Variants in DNMT3B observed in about 807,000 individuals in gnomAD.
DNMT3B encodes the protein DNA methyltransferase 3 beta, also known as DNA (cytosine-5)-methyltransferase 3B.
Under a neutral mutation model 120.2 loss-of-function variants are expected in DNMT3B, and 37 were observed. The observed-to-expected ratio is 0.31, with a 90% confidence interval of 0.24 to 0.40. The LOEUF (loss-of-function observed/expected upper bound fraction) is 0.40. DNMT3B is among the 10% of genes least tolerant of loss of function. The pLI is 1.00. For synonymous variants in DNMT3B, 412 were observed against 442.8 expected (o/e 0.93, Z 0.87); for missense variants, 878 against 1,137.3 (o/e 0.77, Z 3.28).
chr20:32,807,515 A>C (rs1982098182), intron 22 of DNMT3B, among the ~76,000 whole-genome samples: 1 of 152,200 alleles, frequency 6.6e-6, no homozygotes, highest in South Asian at 2.1e-4. Context: ...TATTCTAGGA[A>C]GGTCCTCTGA....
chr20:32,805,498 C>T, intron 21 of DNMT3B, 91 bp downstream of exon 21: 1 of 1,476,912 alleles, frequency 6.8e-7, no homozygotes, highest in Non-Finnish European at 9.4e-7. Context: ...TTGGTTCCTA[C>T]TCCTCCCCCC....
chr20:32,780,659 G>A lies in DNMT3B; in HGVS notation c.142+194G>A, dbSNP rs144581857. 2.6e-3 allele frequency among the ~76,000 whole-genome samples: 392 copies of A among 152,284 alleles called. 2 individuals are homozygous for A. Among genetic ancestry groups the A allele is most frequent in the African/African-American group, 9.0e-3 (375 of 41,560 alleles). ...CCGCAGCCCTTGGCCTCCCCTTTGGGACTCTCATCTCAGCTGGGACTCTGA... is the reference window on the plus strand; with the variant it reads ...CCGCAGCCCTTGGCCTCCCCTTTGGAACTCTCATCTCAGCTGGGACTCTGA... On this transcript the variant is annotated intron_variant, in intron 2 of 22. Coordinates refer to ENST00000328111, the MANE Select transcript of DNMT3B (RefSeq NM_006892.4).
intron 1 of DNMT3B, chr20:32,779,846 T>A (rs1194153166): frequency 1.8e-6 from 1 of 565,984 alleles, no homozygotes; most frequent in Admixed American, 3.1e-5. Flanking sequence ...ACCTGGAGAT[T>A]GAGGGGAAGG....
At chr20:32,804,419 A>G (rs1981723830) in intron 20 of DNMT3B, among the ~76,000 whole-genome samples, 2 of 152,170 alleles carry the variant, frequency 1.3e-5, no homozygotes, top group Admixed American at 1.3e-4. Context: ...AAGGAAATCT[A>G]TCAGTCTAGG....
chr20:32,798,318 G>GC, intron 14 of DNMT3B, 142 bp from the exon 15 acceptor site: 1 of 1,004,208 alleles, frequency 1.0e-6, no homozygotes, highest in Non-Finnish European at 1.5e-6. Flanking sequence ...ACTGCACAGG[G>GC]CCCCGCAGGC....
chr20:32,794,472 G>A (rs1463482634), intron 10 of DNMT3B, among the ~76,000 whole-genome samples: 7 of 151,940 alleles, frequency 4.6e-5, no homozygotes, highest in Admixed American at 2.0e-4. Flanking sequence ...CCTTGTGGTC[G>A]GGAGTTCACC....
At chr20:32,799,602 C>A (rs1247747535) in intron 16 of DNMT3B, among the ~76,000 whole-genome samples, 8 of 152,144 alleles carry the variant, frequency 5.3e-5, no homozygotes, top group Non-Finnish European at 1.2e-4. Flanking sequence ...TCACTGCAGC[C>A]CCCATCTCCG....
intron 14 of DNMT3B, 134 bp downstream of exon 14, chr20:32,797,433 A>G (rs772917437): frequency 1.1e-4 from 89 of 803,534 alleles, no homozygotes; most frequent in Non-Finnish European, 1.7e-4. Context: ...TGGAAGCAGC[A>G]CACAGGGTTT....
chr20:32,772,873 C>CTT (rs1568822680), intron 1 of DNMT3B, among the ~76,000 whole-genome samples: 3 of 97,566 alleles, frequency 3.1e-5, no homozygotes, highest in Non-Finnish European at 1.9e-5. Context: ...TGTTTGGACA[C>CTT]ATTTTTTTTT....
In DNMT3B at chr20:32,797,231, T is replaced by C. The variant is rs760661113; in HGVS notation, c.1422T>C (p.Tyr474=). 6.2e-7 allele frequency: 1 copy of C among 1,614,216 alleles called. No homozygotes were observed. Among genetic ancestry groups the C allele is most frequent in the Non-Finnish European group, 8.5e-7 (1 of 1,180,050 alleles). ...TTTACATGTATGATGACGATGGCTA[T>C]CAGTCTTACTGCACTGTGTGCTGCG... ...ELFYMYDDDG[Y]QSYCTVCCEG... Residue 474 remains tyrosine, a synonymous_variant, in exon 14 of 23, where the codon TAT becomes TAC. Transcript: ENST00000328111.
rs1470720257 is a variant in DNMT3B, at chr20:32,805,397, G to C, written c.2291G>C (p.Arg764Thr). The change falls in exon 21 of 23, where the codon AGG becomes ACG. Residue 764 changes from arginine (R) to threonine (T), a missense_variant. Coordinates refer to ENST00000328111, the MANE Select transcript of DNMT3B (RefSeq NM_006892.4). ...CTGCAGGACTGCTTGGAATACAATA[G>C]GATAGCCAAGGTAAGACGAGCTGTG... The part of the protein sequence containing the change: ...LELQDCLEYN[R>T]IAKLKKVQTI... 6.2e-7 allele frequency: 1 copy of C among 1,613,916 alleles called. No homozygotes were observed. Among genetic ancestry groups the C allele is most frequent in the African/African-American group, 1.3e-5 (1 of 74,874 alleles).
intron 3 of DNMT3B, among the ~76,000 whole-genome samples, chr20:32,782,986 G>GATCTC (rs1165506991): frequency 6.6e-6 from 1 of 152,106 alleles, no homozygotes; most frequent in African/African-American, 2.4e-5. Flanking sequence ...GCAATGGCAT[G>GATCTC]ATCTCTGCTC....
intron 1 of DNMT3B, among the ~76,000 whole-genome samples, chr20:32,778,632 G>A (rs745793315): frequency 6.6e-6 from 1 of 152,216 alleles, no homozygotes; most frequent in Non-Finnish European, 1.5e-5. Context: ...CTGAGCTCAC[G>A]GTGCCCCCTG....
At chr20:32,779,453 T>A (rs1256289274) in intron 1 of DNMT3B, among the ~76,000 whole-genome samples, 1 of 152,378 alleles carries the variant, frequency 6.6e-6, no homozygotes, top group East Asian at 1.9e-4. Flanking sequence ...AAAATCTGTG[T>A]GCCCATAATG....
At chr20:32,789,432 G>C (rs756173802) in intron 7 of DNMT3B, among the ~76,000 whole-genome samples, 1 of 152,170 alleles carries the variant, frequency 6.6e-6, no homozygotes, top group Admixed American at 6.5e-5. Context: ...GGGTCACCTG[G>C]TATCAGTTGT....
At chr20:32,807,733 T>C (rs1982122692) in intron 22 of DNMT3B, 29 bp from the exon 23 acceptor site, 1 of 1,613,488 alleles carries the variant, frequency 6.2e-7, no homozygotes, top group East Asian at 2.2e-5. Context: ...CACTTCTGAC[T>C]TGCTGTCTTT....
At chr20:32,799,002 A>T (rs757262746) in intron 15 of DNMT3B, among the ~76,000 whole-genome samples, 3 of 152,216 alleles carry the variant, frequency 2.0e-5, no homozygotes, top group Admixed American at 6.5e-5. Context: ...ATACCTTTTC[A>T]TGTGTGCCTC....
chr20:32,791,747 G>A (rs1298376483), intron 8 of DNMT3B, 39 bp downstream of exon 8: 1 of 1,604,986 alleles, frequency 6.2e-7, no homozygotes, highest in Non-Finnish European at 8.5e-7. Flanking sequence ...AGCCCTGAGA[G>A]CAGGGATGAA....
Position 32,798,652 on chromosome 20 carries a change from C to T in DNMT3B, c.1674+9C>T, listed in dbSNP as rs369861501. On this transcript the variant is annotated intron_variant, in intron 15 of 22. Coordinates refer to ENST00000328111, the MANE Select transcript of DNMT3B (RefSeq NM_006892.4). ...ACACGGGGCTTGAATATGTAAGCCACAGGCTCCCGCCTCTACCACCACAGA... is the reference window on the plus strand; with the variant it reads ...ACACGGGGCTTGAATATGTAAGCCATAGGCTCCCGCCTCTACCACCACAGA... 16 of 1,610,286 alleles carry T rather than the reference C, an allele frequency of 9.9e-6. No homozygotes were observed. Among genetic ancestry groups the T allele is most frequent in the African/African-American group, 1.3e-5 (1 of 75,058 alleles).
Sources: gnomAD v4.1 joint callset for allele counts (sites outside exome capture counted in the v4.1 genomes callset) on GRCh38, gnomAD v4.1.1 for gene constraint, MANE v1.5 for transcripts, NCBI Gene and HGNC (gene_info 2026-07-23, HGNC 2026-07-21) for gene names.